RAI2: variants seen among roughly 807,000 people sequenced by gnomAD.
RAI2 encodes the protein retinoic acid-induced protein 2.
In RAI2, 5 loss-of-function variants were observed where a neutral mutation model predicts 15.3. The ratio of observed to expected loss-of-function variants is 0.33; its 90% CI spans 0.17 to 0.69. RAI2 has a LOEUF of 0.69. Ranked by LOEUF, RAI2 falls within the 30% of genes least tolerant of loss-of-function variation. The pLI is 0.69. For synonymous variants in RAI2, 191 were observed against 184.0 expected, an observed-to-expected ratio of 1.04 and a Z score of -0.31; for missense variants, 424 against 424.7, an observed-to-expected ratio of 1.00 and a Z score of 0.01.
chrX:17,839,827 G>T (rs1325117097), intron 1 of RAI2, among the ~76,000 whole-genome samples: 1 of 112,590 alleles, frequency 8.9e-6, no homozygotes, highest in East Asian at 2.8e-4. Context: ...TCCTTGCAAA[G>T]GAGGACACAG....
At chrX:17,811,673 A>T (rs1270362233) in intron 1 of RAI2, among the ~76,000 whole-genome samples, 1 of 112,029 alleles carries the variant, frequency 8.9e-6, no homozygotes, top group Non-Finnish European at 1.9e-5. Context: ...AGGGGTGCAG[A>T]TTTCTGAAGT....
chrX:17,838,110 G>A (rs781396662), intron 1 of RAI2, among the ~76,000 whole-genome samples: 3 of 112,515 alleles, frequency 2.7e-5, no homozygotes, highest in Non-Finnish European at 5.6e-5. Flanking sequence ...CTGTTCATAT[G>A]AAACTCTAGA....
intron 1 of RAI2, among the ~76,000 whole-genome samples, chrX:17,813,577 A>G (rs1211442207): frequency 9.0e-6 from 1 of 111,526 alleles, no homozygotes; most frequent in Non-Finnish European, 1.9e-5. Context: ...AGATCAAATA[A>G]AGGGGGCAGG....
At chrX:17,810,695 C>T (rs776286181) in intron 1 of RAI2, among the ~76,000 whole-genome samples, 16 of 112,024 alleles carry the variant, frequency 1.4e-4, no homozygotes, top group Admixed American at 4.7e-4. Context: ...GGAGGGAGGA[C>T]GCCACCAGCT....
At chrX:17,814,934 C>CTAATAATAA (rs527628476) in intron 1 of RAI2, among the ~76,000 whole-genome samples, 20 of 106,245 alleles carry the variant, frequency 1.9e-4, no homozygotes, top group African/African-American at 2.7e-4. Context: ...TGCATGCTGC[C>CTAATAATAA]TAATAATAAT....
chrX:17,849,807 C>T (rs2067506801), intron 1 of RAI2, among the ~76,000 whole-genome samples: 1 of 112,732 alleles, frequency 8.9e-6, no homozygotes, highest in Non-Finnish European at 1.9e-5. Flanking sequence ...GGTATCCTGA[C>T]CCAGAGTGGT....
intron 1 of RAI2, among the ~76,000 whole-genome samples, chrX:17,841,080 C>CT (rs368191759): frequency 2.7e-3 from 287 of 106,717 alleles, no homozygotes; most frequent in Middle Eastern, 9.3e-3. Flanking sequence ...AGTTCAGAAG[C>CT]TTTTTTTTTT....
chrX:17,828,915 C>T lies in RAI2; in HGVS notation c.-24-26881G>A, dbSNP rs187208296. ...GGTTGGTGGGGGAGGCCGTCAAGGGCCTCACACTGCATGTGGCTTAGAGTA... is the reference window on the plus strand; with the variant it reads ...GGTTGGTGGGGGAGGCCGTCAAGGGTCTCACACTGCATGTGGCTTAGAGTA... On this transcript the variant is annotated intron_variant, in intron 1 of 1. Transcript: ENST00000451717. 1.8e-4 allele frequency among the ~76,000 whole-genome samples: 20 copies of T among 111,563 alleles called. No homozygotes were observed. The East Asian group carries it at 4.5e-3, about 25-fold the overall frequency.
intron 1 of RAI2, among the ~76,000 whole-genome samples, chrX:17,811,247 G>C (rs1163679878): frequency 8.9e-6 from 1 of 112,362 alleles, no homozygotes; most frequent in Non-Finnish European, 1.9e-5. Flanking sequence ...TGGTGGTAGG[G>C]AACACTCACC....
chrX:17,830,588 C>CA (rs993178074), intron 1 of RAI2, among the ~76,000 whole-genome samples: 1 of 108,833 alleles, frequency 9.2e-6, no homozygotes, highest in Non-Finnish European at 1.9e-5. Context: ...AACCAGATGG[C>CA]AAAAAAACAT....
At chrX:17,817,681 C>T (rs1373071141) in intron 1 of RAI2, among the ~76,000 whole-genome samples, 1 of 112,419 alleles carries the variant, frequency 8.9e-6, no homozygotes, top group East Asian at 2.8e-4. Context: ...CACAGGCAAA[C>T]ATACCTGGGA....
At chrX:17,806,704 C>T (rs1191259258) in intron 1 of RAI2, among the ~76,000 whole-genome samples, 1 of 111,370 alleles carries the variant, frequency 9.0e-6, no homozygotes, top group Non-Finnish European at 1.9e-5. Context: ...CCTATAAAGA[C>T]ATACCTGAGA....
At chrX:17,842,960 A>T (rs1345992099) in intron 1 of RAI2, among the ~76,000 whole-genome samples, 2 of 111,798 alleles carry the variant, frequency 1.8e-5, no homozygotes, top group Admixed American at 1.9e-4. Context: ...CTATAGTAAC[A>T]CCCAATGATA....
chrX:17,809,550 G>A (rs1359797091), intron 1 of RAI2, among the ~76,000 whole-genome samples: 3 of 111,619 alleles, frequency 2.7e-5, no homozygotes, highest in Non-Finnish European at 5.6e-5. Context: ...TATAGTGTAT[G>A]TAATAAATAT....
intron 1 of RAI2, among the ~76,000 whole-genome samples, chrX:17,816,044 CTT>C (rs1214236241): frequency 9.1e-6 from 1 of 109,439 alleles, no homozygotes; most frequent in African/African-American, 3.3e-5. Flanking sequence ...CATTCTTTTT[CTT>C]TCTCTCTCTC....
chrX:17,859,075 G>C (rs926581962), intron 1 of RAI2, among the ~76,000 whole-genome samples: 3 of 111,549 alleles, frequency 2.7e-5, no homozygotes, highest in African/African-American at 9.8e-5. Context: ...AAGAGGCAGA[G>C]AAACTGGGAT....
At chrX:17,816,592 G>A (rs2147230236) in intron 1 of RAI2, among the ~76,000 whole-genome samples, 1 of 112,297 alleles carries the variant, frequency 8.9e-6, no homozygotes, top group South Asian at 3.7e-4. Context: ...CATTACCACT[G>A]CAGCTAGCGA....
intron 1 of RAI2, among the ~76,000 whole-genome samples, chrX:17,848,898 G>A (rs898682430): frequency 2.0e-4 from 22 of 112,249 alleles, no homozygotes; most frequent in Admixed American, 1.8e-3. Flanking sequence ...TCCTTCACCC[G>A]CAACTGGCTC....
At chrX:17,835,126 C>T (rs2067320204) in intron 1 of RAI2, among the ~76,000 whole-genome samples, 1 of 111,912 alleles carries the variant, frequency 8.9e-6, no homozygotes, top group Admixed American at 9.4e-5. Context: ...TTCTTCCGCT[C>T]AAATGTCACA....
Sources: gnomAD v4.1 joint callset for allele counts (sites outside exome capture counted in the v4.1 genomes callset) on GRCh38, gnomAD v4.1.1 for gene constraint, MANE v1.5 for transcripts, NCBI Gene and HGNC (gene_info 2026-07-23, HGNC 2026-07-21) for gene names.